Variants in HEG1 observed in about 807,000 individuals in gnomAD.
HEG1 encodes protein HEG homolog 1.
Under a neutral mutation model 125.6 loss-of-function variants are expected in HEG1, and 56 were observed. The observed-to-expected ratio is 0.45, with a 90% CI of 0.36 to 0.56. The LOEUF (loss-of-function observed/expected upper bound fraction) is 0.56. HEG1 is among the 20% of genes least tolerant of loss of function. HEG1 has a pLI of 0.00. For synonymous variants in HEG1, 644 were observed against 668.5 expected (o/e 0.96, Z 0.57); for missense variants, 1,523 against 1,670.0 (o/e 0.91, Z 1.53).
intron 14 of HEG1, among the ~76,000 whole-genome samples, chr3:124,981,467 C>T (rs1315417406): frequency 2.6e-5 from 4 of 152,134 alleles, no homozygotes; most frequent in Non-Finnish European, 4.4e-5. Flanking sequence ...CTGGCATAGA[C>T]GAGGGCTTCT....
chr3:125,045,284 A>G (rs957351773), intron 1 of HEG1, among the ~76,000 whole-genome samples: 4 of 152,198 alleles, frequency 2.6e-5, no homozygotes, highest in African/African-American at 9.7e-5. Flanking sequence ...CTCTACCTAG[A>G]CTGTCCTACT....
At chr3:124,976,311 C>T (rs149928407) in intron 15 of HEG1, among the ~76,000 whole-genome samples, 1 of 152,194 alleles carries the variant, frequency 6.6e-6, no homozygotes, top group African/African-American at 2.4e-5. Flanking sequence ...CTCAGCCTCC[C>T]GAGTAGCTGG....
rs200456004 is a variant in HEG1, at chr3:125,012,784, C to A, written c.2795G>T (p.Gly932Val). 6.8e-6 allele frequency: 11 copies of A among 1,614,026 alleles called. No homozygotes were observed. The Middle Eastern group carries it at 6.6e-4, about 97-fold the overall frequency. ...TSAKEMTTKLGVTAEYSPASR... is the reference protein window; with the variant it reads ...TSAKEMTTKLVVTAEYSPASR... ...AGCTGGGCTGTACTCTGCTGTAACGCCAAGCTTTGTGGTCATTTCTTTTGC... is the reference window on the plus strand; with the variant it reads ...AGCTGGGCTGTACTCTGCTGTAACGACAAGCTTTGTGGTCATTTCTTTTGC... The change falls in exon 6 of 17, where the codon GGC (glycine) becomes GTC (valine). Residue 932 changes from glycine to valine, a missense_variant. Physicochemically the swap from Gly to Val is moderately radical, Grantham distance 109 (BLOSUM62 -3). Transcript: ENST00000311127.
At chr3:124,998,893 T>C (rs1406648360) in intron 11 of HEG1, among the ~76,000 whole-genome samples, 1 of 152,142 alleles carries the variant, frequency 6.6e-6, no homozygotes, top group Non-Finnish European at 1.5e-5. Context: ...AAGTTCAGAA[T>C]GGGAAGAAAG....
chr3:125,044,288 A>G (rs1343511017), intron 1 of HEG1, among the ~76,000 whole-genome samples: 2 of 152,252 alleles, frequency 1.3e-5, no homozygotes, highest in Non-Finnish European at 2.9e-5. Flanking sequence ...CAGTATTTCA[A>G]AAAATCAGTT....
chr3:124,995,780 C>T (rs1198369073), intron 12 of HEG1, among the ~76,000 whole-genome samples: 1 of 152,244 alleles, frequency 6.6e-6, no homozygotes, highest in East Asian at 1.9e-4. Context: ...TGGGTCCTCA[C>T]TTGGTCAACA....
At chr3:124,986,226 C>A (rs1043599873) in intron 14 of HEG1, among the ~76,000 whole-genome samples, 1 of 152,218 alleles carries the variant, frequency 6.6e-6, no homozygotes, top group Non-Finnish European at 1.5e-5. Context: ...AAAAGCCAGC[C>A]TCCCCAGCCT....
Position 124,969,122 on chromosome 3 carries a change from TC to T in HEG1, c.*1529del, listed in dbSNP as rs1936377999. 6.6e-6 allele frequency: 1 copy of T among 152,174 alleles called. No homozygotes were observed. The allele number at this position is 152,174 out of a possible 1,614,324, so 9.4% of individuals were successfully genotyped here. Reference sequence around the variant, plus strand: ...AACTGTCCCCAGTGGCTGCACCATTTCCAGAAATGTGAAGCGGGACTCCCCG... The same window carrying T: ...AACTGTCCCCAGTGGCTGCACCATTTCAGAAATGTGAAGCGGGACTCCCCG... On this transcript the variant is annotated 3_prime_UTR_variant, in exon 17 of 17. Coordinates refer to ENST00000311127, the MANE Select transcript of HEG1 (RefSeq NM_020733.2).
intron 14 of HEG1, among the ~76,000 whole-genome samples, chr3:124,982,009 T>G (rs1024704689): frequency 2.0e-5 from 3 of 152,100 alleles, no homozygotes; most frequent in Non-Finnish European, 4.4e-5. Flanking sequence ...TTCAAGCGAT[T>G]CTCCTTCCTC....
intron 1 of HEG1, among the ~76,000 whole-genome samples, chr3:125,047,450 C>T (rs777184029): frequency 4.6e-5 from 7 of 152,330 alleles, no homozygotes; most frequent in Admixed American, 4.6e-4. Flanking sequence ...GGCTAAATAA[C>T]CTACCACAGT....
chr3:124,987,553 C>G (rs549929437), intron 14 of HEG1, among the ~76,000 whole-genome samples: 2 of 143,608 alleles, frequency 1.4e-5, no homozygotes, highest in African/African-American at 5.2e-5. Context: ...GACGGAGTCT[C>G]GCTGTGTCGC....
At chr3:125,009,592 A>T in intron 8 of HEG1, 113 bp downstream of exon 8, 1 of 1,098,458 alleles carries the variant, frequency 9.1e-7, no homozygotes, top group Non-Finnish European at 1.3e-6. Flanking sequence ...TATATTCCTT[A>T]AGTTTATACC....
At chr3:124,985,904 C>T (rs750245128) in intron 14 of HEG1, among the ~76,000 whole-genome samples, 2 of 152,254 alleles carry the variant, frequency 1.3e-5, no homozygotes, top group South Asian at 2.1e-4. Flanking sequence ...CAGCCTCCCG[C>T]GTAGCTGGGA....
intron 1 of HEG1, among the ~76,000 whole-genome samples, chr3:125,032,421 G>T (rs967384978): frequency 2.0e-5 from 3 of 152,192 alleles, no homozygotes; most frequent in South Asian, 2.1e-4. Context: ...CTTCCTGGAG[G>T]GGGAGGGAAG....
chr3:124,979,960 A>T (rs968873899), intron 14 of HEG1, among the ~76,000 whole-genome samples: 1 of 152,212 alleles, frequency 6.6e-6, no homozygotes, highest in Admixed American at 6.5e-5. Flanking sequence ...GCTATTACGT[A>T]AAACCATCAG....
rs757866092 is a variant in HEG1 at position 124,973,833 on chromosome 3, G to A, written c.3894C>T (p.Tyr1298=). 3 of 1,613,406 alleles carry A rather than the reference G, an allele frequency of 1.9e-6. No homozygotes were observed. Among genetic ancestry groups the A allele is most frequent in the South Asian group, 2.2e-5 (2 of 91,062 alleles). Residue 1298 remains tyrosine, a synonymous_variant, in exon 16 of 17, where the codon TAC becomes TAT. Coordinates refer to ENST00000311127, the MANE Select transcript of HEG1 (RefSeq NM_020733.2). ...GDFQMSPYAE[Y]PKNPRSQEWG... ...ATTCTTGTGAGCGAGGATTTTTGGG[G>A]TATTCAGCATACGGGGACATTTGGA...
chr3:124,990,607 G>A (rs1936816190), intron 14 of HEG1, among the ~76,000 whole-genome samples, 180 bp downstream of exon 14: 1 of 152,146 alleles, frequency 6.6e-6, no homozygotes, highest in Non-Finnish European at 1.5e-5. Context: ...CCAAAGTGCT[G>A]GGATTACAGG....
intron 1 of HEG1, among the ~76,000 whole-genome samples, chr3:125,043,768 C>T (rs1375969036): frequency 6.6e-6 from 1 of 152,126 alleles, no homozygotes; most frequent in African/African-American, 2.4e-5. Context: ...CATTTGATCA[C>T]ACCCAGAGAG....
rs373241807 is a variant in HEG1 at position 124,986,657 on chromosome 3, C to T, written c.3733+4130G>A. ...CAAAAGTTACCAAACTAAAGATAGG[C>T]GGCCGGTTCTAAAAGGTGGCCAGGA... is the stretch of plus-strand genomic sequence containing the variant. On this transcript the variant is annotated intron_variant, in intron 14 of 16. Coordinates refer to ENST00000311127, the MANE Select transcript of HEG1 (RefSeq NM_020733.2). Among the ~76,000 whole-genome samples the T allele has an allele frequency of 8.5e-5, 13 of 152,274 alleles. No individual in the cohort carries two copies. In the South Asian group the frequency reaches 1.7e-3, roughly 19 times the overall value.
Sources: gnomAD v4.1 joint callset for allele counts (sites outside exome capture counted in the v4.1 genomes callset) on GRCh38, gnomAD v4.1.1 for gene constraint, MANE v1.5 for transcripts, NCBI Gene and HGNC (gene_info 2026-07-23, HGNC 2026-07-21) for gene names.